Variants in ST3GAL6 observed in about 807,000 individuals in gnomAD.
The protein encoded by ST3GAL6 is ST3 beta-galactoside alpha-2,3-sialyltransferase 6, also known as type 2 lactosamine alpha-2,3-sialyltransferase.
Under a neutral mutation model 40.5 loss-of-function variants are expected in ST3GAL6, and 31 were observed. The observed-to-expected ratio is 0.77, with a 90% CI of 0.58 to 1.03. The LOEUF (loss-of-function observed/expected upper bound fraction) is 1.03, where lower values mean the gene tolerates loss of function less well. ST3GAL6 is among the 50% of genes least tolerant of loss of function. The pLI is 0.00. For synonymous variants in ST3GAL6, 129 were observed against 136.9 expected (o/e 0.94, Z 0.40); for missense variants, 357 against 393.2 (o/e 0.91, Z 0.78).
rs1298857526 is a variant in ST3GAL6, at chr3:98,793,966, TAA to T, written c.*206_*207del. On this transcript the variant is annotated 3_prime_UTR_variant, in exon 10 of 10. Coordinates refer to ENST00000483910, the MANE Select transcript of ST3GAL6 (RefSeq NM_001323368.2). ...AAGAAATGTAAAGATAACAGGAAAA[TAA>T]GTTTTGATTGCATTGTTTTTAAAAT... The T allele has an allele frequency of 5.3e-6, 2 of 377,300 alleles. No individual in the cohort carries two copies. The highest frequency in any genetic ancestry group is 4.0e-5 in the East Asian group (1 of 24,872). 23.4% of individuals were successfully genotyped at this position (377,300 alleles called of 1,614,324 possible).
intron 1 of ST3GAL6, among the ~76,000 whole-genome samples, chr3:98,747,268 T>A (rs1042251131): frequency 5.3e-5 from 8 of 152,238 alleles, no homozygotes; most frequent in Admixed American, 2.6e-4. Flanking sequence ...TTCTCTTCAA[T>A]ATGTTTTGTT....
At chr3:98,732,803 G>T in intron 1 of ST3GAL6, 2 of 1,442,482 alleles carry the variant, frequency 1.4e-6, no homozygotes, top group Non-Finnish European at 1.8e-6. Flanking sequence ...TCGTGCCCGC[G>T]CCGCCCCTGG....
Position 98,739,215 on chromosome 3 carries a change from T to G in ST3GAL6, c.-12+6683T>G, listed in dbSNP as rs564211021. 4.6e-5 allele frequency among the ~76,000 whole-genome samples: 7 copies of G among 152,274 alleles called. No individual in the cohort carries two copies. In the East Asian group the frequency reaches 1.3e-3, roughly 29 times the overall value. ...CTAAAGCACTGCTAAGAGGGAAGTT[T>G]ATAGTGCCAAATGCCTACATCAAAA... is the stretch of plus-strand genomic sequence containing the variant. On this transcript the variant is annotated intron_variant, in intron 1 of 9. Coordinates refer to the ST3GAL6 transcript ENST00000265261.
chr3:98,777,400 C>T (rs1939658977), intron 5 of ST3GAL6, among the ~76,000 whole-genome samples: 1 of 152,212 alleles, frequency 6.6e-6, no homozygotes, highest in African/African-American at 2.4e-5. Flanking sequence ...TTTGCCCATT[C>T]ATACTCCTCC....
intron 1 of ST3GAL6, among the ~76,000 whole-genome samples, chr3:98,738,861 A>G (rs1935808441): frequency 6.6e-6 from 1 of 152,232 alleles, no homozygotes; most frequent in Non-Finnish European, 1.5e-5. Flanking sequence ...CCTAATAGAC[A>G]TCTACAGAAC....
chr3:98,766,578 G>A (rs1452241099), intron 1 of ST3GAL6, among the ~76,000 whole-genome samples: 1 of 151,762 alleles, frequency 6.6e-6, no homozygotes, highest in African/African-American at 2.4e-5. Context: ...CTGCCATCAC[G>A]CCCGGCTAAT....
intron 1 of ST3GAL6, among the ~76,000 whole-genome samples, chr3:98,740,936 G>T (rs1354721719): frequency 6.6e-6 from 1 of 151,942 alleles, no homozygotes; most frequent in Non-Finnish European, 1.5e-5. Flanking sequence ...ATCTACCTAT[G>T]TTATTATATT....
At chr3:98,789,415 A>AT (rs1404575570) in intron 8 of ST3GAL6, among the ~76,000 whole-genome samples, 12 of 152,170 alleles carry the variant, frequency 7.9e-5, no homozygotes, top group African/African-American at 2.7e-4. Context: ...CTTCCAGACT[A>AT]TTTGCTATGC....
chr3:98,791,698 G>C (rs1463003272), intron 8 of ST3GAL6, 143 bp from the exon 9 acceptor site: 3 of 717,348 alleles, frequency 4.2e-6, no homozygotes, highest in South Asian at 3.8e-5. Context: ...TTTGGGGCTT[G>C]AGCCTTATAA....
Position 98,792,007 on chromosome 3 carries a change from C to T in ST3GAL6, c.909+14C>T. On this transcript the variant is annotated intron_variant, in intron 9 of 9. Transcript: ENST00000483910. ...TTGATGAATAAGGTAATATACTGTA[C>T]TTTAGGTAATATACATATGCTTTGG... 1 of 1,595,026 alleles carries T rather than the reference C, an allele frequency of 6.3e-7. No individual in the cohort carries two copies. The highest frequency in any genetic ancestry group is 8.5e-7 in the Non-Finnish European group (1 of 1,169,716).
chr3:98,736,663 C>T (rs1935570280), intron 1 of ST3GAL6, among the ~76,000 whole-genome samples: 1 of 152,204 alleles, frequency 6.6e-6, no homozygotes, highest in Admixed American at 6.5e-5. Context: ...GGTCAACCAA[C>T]ATTCACTGAA....
intron 4 of ST3GAL6, chr3:98,773,123 G>A (rs971574815): frequency 2.1e-5 from 7 of 325,810 alleles, no homozygotes; most frequent in South Asian, 9.2e-5. Context: ...AGGATAACAG[G>A]GGTAGATTTG....
intron 9 of ST3GAL6, among the ~76,000 whole-genome samples, chr3:98,792,667 C>T (rs1271746372): frequency 1.1e-4 from 14 of 127,936 alleles, no homozygotes; most frequent in Admixed American, 1.1e-3. Context: ...CCACCACGAC[C>T]GGCTAATTTT....
intron 8 of ST3GAL6, among the ~76,000 whole-genome samples, chr3:98,790,178 C>T (rs764044703): frequency 2.7e-5 from 4 of 145,456 alleles, no homozygotes; most frequent in Non-Finnish European, 4.6e-5. Flanking sequence ...ATCGAAGAAG[C>T]GTGTTTTATT....
intron 1 of ST3GAL6, among the ~76,000 whole-genome samples, chr3:98,752,444 AT>A (rs1281847700): frequency 4.6e-5 from 7 of 151,190 alleles, no homozygotes; most frequent in South Asian, 4.2e-4. Flanking sequence ...TAAAATATAT[AT>A]TTTTTTCTTT....
In ST3GAL6 at chr3:98,773,972, T is replaced by A; in HGVS notation, c.324T>A (p.Asp108Glu). The A allele has an allele frequency of 6.2e-7, 1 of 1,613,128 alleles. No individual in the cohort carries two copies. The highest frequency in any genetic ancestry group is 8.5e-7 in the Non-Finnish European group (1 of 1,179,268). Residue 108 changes from aspartate to glutamate, a missense_variant, in exon 5 of 10, where the codon GAT becomes GAA. Asp to Glu is a conservative substitution (Grantham distance 45). Coordinates refer to ENST00000483910, the MANE Select transcript of ST3GAL6 (RefSeq NM_001323368.2). Reference protein sequence around the residue: ...LSKLQSCDLFDEFDNIPCKKC... With the variant: ...LSKLQSCDLFEEFDNIPCKKC... ...AACTGCAGAGTTGTGATCTCTTTGA[T>A]GAGTTTGACAAGTGAGTTTATTTCC...
rs150616968 is a variant in ST3GAL6 at position 98,792,563 on chromosome 3, C to T, written c.909+570C>T. On this transcript the variant is annotated intron_variant, in intron 9 of 9. Coordinates refer to ENST00000483910, the MANE Select transcript of ST3GAL6 (RefSeq NM_001323368.2). ...ACTCTGTCACCCAGGCTGGAGTGCA[C>T]TGGCATGATCTCGGCTTACTGCAAC... Among the ~76,000 whole-genome samples the T allele has an allele frequency of 6.7e-3, 984 of 147,842 alleles. 14 individuals carry two copies. Among genetic ancestry groups the T allele is most frequent in the African/African-American group, 0.024 (946 of 39,864 alleles).
rs1411967558 is a variant in ST3GAL6, at chr3:98,763,449, G to A, written c.-12+10G>A. The A allele has an allele frequency of 2.3e-6, 3 of 1,289,562 alleles. No homozygotes were observed. The highest frequency in any genetic ancestry group is 3.0e-5 in the African/African-American group (2 of 65,836). The allele number at this position is 1,289,562 out of a possible 1,614,324, so 79.9% of individuals were successfully genotyped here. On this transcript the variant is annotated intron_variant, in intron 1 of 9. Coordinates refer to ENST00000483910, the MANE Select transcript of ST3GAL6 (RefSeq NM_001323368.2). The stretch of plus-strand genomic sequence containing the variant: ...TGGTAAAGGTATGGAGGTGAGCCAT[G>A]AACAAGGTTACCTGCTTAAGGGGAA...
intron 2 of ST3GAL6, chr3:98,770,510 C>T (rs535781483): frequency 4.8e-5 from 9 of 187,484 alleles, no homozygotes; most frequent in Admixed American, 3.9e-4. Flanking sequence ...TAAATAGCCA[C>T]GTGCCCTTGG....
Sources: gnomAD v4.1 joint callset for allele counts (sites outside exome capture counted in the v4.1 genomes callset) on GRCh38, gnomAD v4.1.1 for gene constraint, MANE v1.5 for transcripts, NCBI Gene and HGNC (gene_info 2026-07-23, HGNC 2026-07-21) for gene names.